LPAR1: variants seen among roughly 807,000 people sequenced by gnomAD.
LPAR1 encodes LPA receptor 1.
LPAR1 carries 5 observed loss-of-function variants against 23.8 expected under a neutral mutation model. The ratio of observed to expected loss-of-function variants is 0.21; its 90% CI spans 0.11 to 0.44. LPAR1 has a LOEUF of 0.44. LPAR1 is among the 20% of genes least tolerant of loss of function. The pLI is 0.99. For synonymous variants in LPAR1, 160 were observed against 164.7 expected, an observed-to-expected ratio of 0.97 and a Z score of 0.22; for missense variants, 311 against 482.8, an observed-to-expected ratio of 0.64 and a Z score of 3.33.
intron 4 of LPAR1, among the ~76,000 whole-genome samples, chr9:110,947,677 C>T (rs556952459): frequency 3.9e-5 from 6 of 152,182 alleles, no homozygotes; most frequent in African/African-American, 4.8e-5. Flanking sequence ...TCTAGGAGTA[C>T]GACTGATGCA....
intron 2 of LPAR1, among the ~76,000 whole-genome samples, chr9:110,985,996 G>A (rs2096773555): frequency 1.3e-5 from 2 of 152,106 alleles, no homozygotes; most frequent in South Asian, 4.2e-4. Flanking sequence ...CATTTTAAGG[G>A]GAAATGAGGA....
chr9:110,873,718 T>C lies in LPAR1; in HGVS notation c.*1703A>G, dbSNP rs2078564801. 1 of 152,136 alleles carries C rather than the reference T, an allele frequency of 6.6e-6. No homozygotes were observed. The highest frequency in any genetic ancestry group is 6.6e-5 in the Admixed American group (1 of 15,264). The allele number at this position is 152,136 out of a possible 1,614,324, so 9.4% of individuals were successfully genotyped here. A position where few individuals can be genotyped will look rare whatever the true frequency, so the allele number is the denominator to read the frequency against. On this transcript the variant is annotated 3_prime_UTR_variant, in exon 6 of 6. Coordinates refer to ENST00000683809, the MANE Select transcript of LPAR1 (RefSeq NM_001351411.2). ...GGGGTGATTCCTGGCGAATACACAG[T>C]AACCAACCACATACTGACACACTCA... is the stretch of plus-strand genomic sequence containing the variant.
At chr9:110,964,456 T>C (rs1020146219) in intron 4 of LPAR1, among the ~76,000 whole-genome samples, 3 of 152,210 alleles carry the variant, frequency 2.0e-5, no homozygotes, top group East Asian at 1.9e-4. Context: ...TTTTTAGATA[T>C]GCATATTAAC....
At position 110,942,016 on chromosome 9, in the gene LPAR1, G is replaced by A. The variant is rs1427698580; in HGVS notation, c.198C>T (p.Ala66=). 5.0e-6 allele frequency: 8 copies of A among 1,614,174 alleles called. 1 individual carries two copies. The South Asian group carries it at 6.6e-5, about 13-fold the overall frequency. ...GITVCIFIML[A]NLLVMVAIYV... ...AGATTGCCACCATGACCAATAGGTT[G>A]GCCAACATGATGAAGATACAAACAG... Residue 66 remains alanine (A), a synonymous_variant, in exon 5 of 6, where the codon GCC becomes GCT. Transcript: ENST00000683809.
intron 2 of LPAR1, among the ~76,000 whole-genome samples, chr9:110,992,995 A>C (rs1176856704): frequency 6.6e-6 from 1 of 152,218 alleles, no homozygotes; most frequent in East Asian, 1.9e-4. Flanking sequence ...TATCAATGAA[A>C]AAATTAAAAG....
chr9:110,930,672 T>C (rs2094349904), intron 5 of LPAR1, among the ~76,000 whole-genome samples: 1 of 152,064 alleles, frequency 6.6e-6, no homozygotes, highest in South Asian at 2.1e-4. Flanking sequence ...TCCCAGCACT[T>C]TGGGAGGCTG....
chr9:110,920,077 C>T (rs1207325856), intron 5 of LPAR1, among the ~76,000 whole-genome samples: 2 of 152,188 alleles, frequency 1.3e-5, no homozygotes, highest in African/African-American at 4.8e-5. Context: ...CAGCCAAAGG[C>T]CAGGCTATTC....
chr9:110,975,806 A>G (rs1410813678), intron 2 of LPAR1, among the ~76,000 whole-genome samples: 1 of 152,198 alleles, frequency 6.6e-6, no homozygotes, highest in Non-Finnish European at 1.5e-5. Context: ...ATTTTCAAGA[A>G]GAAAATAAGA....
upstream of LPAR1, chr9:111,038,547 C>G: frequency 2.2e-6 from 1 of 448,614 alleles, no homozygotes. This position sits in a 1 kb window ranked among gnomAD's most constrained non-coding sequence, Gnocchi z 4.4. Flanking sequence ...CCAGCCTCCT[C>G]TCTTCCTCCG....
chr9:110,987,500 G>A (rs1405333544), intron 2 of LPAR1, among the ~76,000 whole-genome samples: 1 of 151,572 alleles, frequency 6.6e-6, no homozygotes, highest in Non-Finnish European at 1.5e-5. Flanking sequence ...AATTTGGGGG[G>A]AGACTGATTT....
At chr9:111,030,438 G>A (rs2097775721) in intron 2 of LPAR1, among the ~76,000 whole-genome samples, 1 of 152,148 alleles carries the variant, frequency 6.6e-6, no homozygotes, top group African/African-American at 2.4e-5. Context: ...GCTGATTACA[G>A]ACTTCCAAGG....
intron 2 of LPAR1, among the ~76,000 whole-genome samples, chr9:110,986,018 A>G (rs1242502711): frequency 6.6e-6 from 1 of 152,080 alleles, no homozygotes; most frequent in Non-Finnish European, 1.5e-5. Context: ...GATTCCACAA[A>G]GAAGACTGAA....
At chr9:110,892,673 G>T (rs1358575366) in intron 5 of LPAR1, among the ~76,000 whole-genome samples, 5 of 146,226 alleles carry the variant, frequency 3.4e-5, no homozygotes, top group African/African-American at 1.3e-4. Context: ...AAGAAAGAGA[G>T]AGAGAGGGGG....
intron 4 of LPAR1, among the ~76,000 whole-genome samples, chr9:110,946,130 G>A (rs1163508208): frequency 1.3e-5 from 2 of 152,076 alleles, no homozygotes; most frequent in South Asian, 2.1e-4. Flanking sequence ...CCAGAAAACT[G>A]AAATGGCAGG....
chr9:110,877,389 G>GA (rs1211884996), intron 5 of LPAR1, among the ~76,000 whole-genome samples: 24 of 152,166 alleles, frequency 1.6e-4, no homozygotes, highest in South Asian at 2.1e-4. Context: ...TCCTTGGAGA[G>GA]AAAAAAATAT....
chr9:111,023,086 T>C (rs983943304), intron 2 of LPAR1, among the ~76,000 whole-genome samples: 2 of 150,606 alleles, frequency 1.3e-5, no homozygotes, highest in Non-Finnish European at 2.9e-5. Flanking sequence ...AACCCTGCTA[T>C]TTAGCAATAT....
At chr9:110,991,397 C>A (rs752041477) in intron 2 of LPAR1, among the ~76,000 whole-genome samples, 6 of 152,116 alleles carry the variant, frequency 3.9e-5, no homozygotes, top group Non-Finnish European at 7.4e-5. Context: ...TGGCCCTAGT[C>A]CTTGCCTTTT....
chr9:110,889,994 T>C (rs368736615), intron 5 of LPAR1, among the ~76,000 whole-genome samples: 5 of 152,110 alleles, frequency 3.3e-5, no homozygotes, highest in African/African-American at 1.2e-4. Context: ...GTTACTGAAA[T>C]AGTAAATAAA....
intron 2 of LPAR1, among the ~76,000 whole-genome samples, chr9:110,974,142 G>C (rs538320943): frequency 7.0e-6 from 1 of 143,014 alleles, no homozygotes; most frequent in African/African-American, 2.6e-5. Flanking sequence ...CTGGGCAACA[G>C]AGCAAGACTC....
Sources: gnomAD v4.1 joint callset for allele counts (sites outside exome capture counted in the v4.1 genomes callset) on GRCh38, gnomAD v4.1.1 for gene constraint, Gnocchi (gnomAD v3.1) non-coding constraint, MANE v1.5 for transcripts, NCBI Gene and HGNC (gene_info 2026-07-23, HGNC 2026-07-21) for gene names.